UNC13C: variants seen among roughly 807,000 people sequenced by gnomAD.
The protein encoded by UNC13C is unc-13 homolog C.
In UNC13C, 174 loss-of-function variants were observed where a neutral mutation model predicts 245.4. The ratio of observed to expected loss-of-function variants is 0.71; its 90% CI spans 0.63 to 0.80. UNC13C has a LOEUF of 0.80. Ranked by LOEUF, UNC13C falls within the 30% of genes least tolerant of loss-of-function variation. The pLI, the probability that UNC13C is intolerant of heterozygous loss-of-function variation, is 0.00. For missense variants in UNC13C, 2,829 were observed against 2,602.9 expected, an observed-to-expected ratio of 1.09 and a Z score of -1.89; for synonymous variants, 992 against 895.1, an observed-to-expected ratio of 1.11 and a Z score of -1.93.
At chr15:54,622,248 G>T in intron 30 of UNC13C, 79 bp from the exon 31 acceptor site, 1 of 947,500 alleles carries the variant, frequency 1.1e-6, no homozygotes, top group Non-Finnish European at 1.7e-6. Context: ...TACATTTTAT[G>T]TTTTTTATGC....
intron 2 of UNC13C, among the ~76,000 whole-genome samples, chr15:54,125,191 C>T (rs1170056024): frequency 1.3e-5 from 2 of 152,248 alleles, no homozygotes; most frequent in East Asian, 3.9e-4. Context: ...GGGCCGGGCA[C>T]AGTGGCTCAC....
chr15:54,133,083 G>A (rs189386245), intron 2 of UNC13C, among the ~76,000 whole-genome samples: 2 of 147,142 alleles, frequency 1.4e-5, no homozygotes, highest in African/African-American at 4.9e-5. Context: ...ATTTTTCGTG[G>A]TAACTGGTGA....
intron 2 of UNC13C, among the ~76,000 whole-genome samples, chr15:54,131,391 T>C (rs2141214842): frequency 6.6e-6 from 1 of 152,304 alleles, no homozygotes; most frequent in East Asian, 1.9e-4. Context: ...AATACAGTAG[T>C]CTCCCTGATC....
At chr15:54,419,105 A>G (rs1393502688) in intron 19 of UNC13C, among the ~76,000 whole-genome samples, 1 of 152,188 alleles carries the variant, frequency 6.6e-6, no homozygotes, top group Non-Finnish European at 1.5e-5. Context: ...TAGACATCTA[A>G]GACTGTTTGT....
chr15:54,291,429 T>C (rs2037295410), intron 10 of UNC13C, among the ~76,000 whole-genome samples: 1 of 152,078 alleles, frequency 6.6e-6, no homozygotes, highest in Non-Finnish European at 1.5e-5. Context: ...TTTCTTCAAA[T>C]GTAAAAGGGA....
chr15:53,992,374 C>G (rs563990596), intron 1 of UNC13C, among the ~76,000 whole-genome samples: 1 of 152,178 alleles, frequency 6.6e-6, no homozygotes, highest in East Asian at 1.9e-4. Context: ...TATGACTTTA[C>G]TCTAGTTGTT....
chr15:54,229,387 TC>T (rs1295116010), intron 4 of UNC13C, among the ~76,000 whole-genome samples: 2 of 152,182 alleles, frequency 1.3e-5, no homozygotes, highest in Non-Finnish European at 2.9e-5. Flanking sequence ...AATTTGGTGT[TC>T]CTGTGGAGAA....
chr15:54,519,129 T>C (rs1222676487), intron 24 of UNC13C, among the ~76,000 whole-genome samples: 1 of 152,164 alleles, frequency 6.6e-6, no homozygotes, highest in African/African-American at 2.4e-5. Context: ...GAAGTTGAAC[T>C]ATGTGATTTC....
At chr15:54,617,424 A>ATATCT (rs984350048) in intron 30 of UNC13C, among the ~76,000 whole-genome samples, 2 of 151,982 alleles carry the variant, frequency 1.3e-5, no homozygotes, top group African/African-American at 4.8e-5. Flanking sequence ...AGTATATACT[A>ATATCT]TATCTTATAA....
chr15:53,979,960 G>T (rs1359982363), intron 1 of UNC13C, among the ~76,000 whole-genome samples: 1 of 152,112 alleles, frequency 6.6e-6, no homozygotes, highest in Non-Finnish European at 1.5e-5. Context: ...CTGGAGGGGA[G>T]AAACGAGAAT....
At chr15:54,506,971 A>G in intron 22 of UNC13C, 146 bp from the exon 23 acceptor site, 1 of 507,696 alleles carries the variant, frequency 2.0e-6, no homozygotes, top group African/African-American at 1.9e-5. Flanking sequence ...GGGCATTCTT[A>G]GGCTCAGAAA....
At chr15:54,514,060 A>G (rs563998494) in intron 24 of UNC13C, among the ~76,000 whole-genome samples, 1 of 152,328 alleles carries the variant, frequency 6.6e-6, no homozygotes, top group African/African-American at 2.4e-5. Flanking sequence ...GAATTATGAT[A>G]GAATTTCTGA....
At chr15:53,952,898 A>C in the UNC13C span, among the ~76,000 whole-genome samples, 1 of 152,212 alleles carries the variant, frequency 6.6e-6, no homozygotes, top group Non-Finnish European at 1.5e-5. Context: ...GCAGTCTCTT[A>C]GAGTGTCTAA....
At chr15:54,346,814 G>T (rs1234090688) in intron 17 of UNC13C, among the ~76,000 whole-genome samples, 1 of 152,152 alleles carries the variant, frequency 6.6e-6, no homozygotes, top group Non-Finnish European at 1.5e-5. Context: ...GTACACAAAA[G>T]ATCAATCTAT....
At chr15:54,038,729 G>T (rs1046583399) in intron 2 of UNC13C, among the ~76,000 whole-genome samples, 1 of 152,030 alleles carries the variant, frequency 6.6e-6, no homozygotes, top group Non-Finnish European at 1.5e-5. Flanking sequence ...AGTTCTCTTT[G>T]AATAACTAAG....
chr15:54,299,197 C>G (rs2037511937), intron 12 of UNC13C, among the ~76,000 whole-genome samples: 1 of 152,128 alleles, frequency 6.6e-6, no homozygotes. Context: ...TTTACAAAGT[C>G]TTTTCTACTG....
At chr15:53,950,744 G>T in the UNC13C span, among the ~76,000 whole-genome samples, 2 of 152,292 alleles carry the variant, frequency 1.3e-5, no homozygotes, top group East Asian at 3.9e-4. Flanking sequence ...ATAGCCAGGG[G>T]TTATGCATTT....
In UNC13C at chr15:54,294,016, G is replaced by A; in HGVS notation, c.3940G>A (p.Val1314Ile). ...ESDDFLGQTIVEVRTLSGEMD... is the reference protein window; with the variant it reads ...ESDDFLGQTIIEVRTLSGEMD... ...AGATGATTTTCTGGGACAAACAATT[G>A]TAGAAGTGAGGACCTTGAGTGGAGA... The change falls in exon 11 of 33, where the codon GTA becomes ATA. Residue 1314 changes from valine (V) to isoleucine (I), a missense_variant. Val to Ile is a conservative substitution (Grantham distance 29). Coordinates refer to ENST00000260323, the MANE Select transcript of UNC13C (RefSeq NM_001080534.3). The A allele has an allele frequency of 4.4e-6, 7 of 1,592,708 alleles. No homozygotes were observed. The highest frequency in any genetic ancestry group is 6.0e-6 in the Non-Finnish European group (7 of 1,170,942).
At chr15:54,362,271 A>T (rs1457903250) in intron 17 of UNC13C, among the ~76,000 whole-genome samples, 2 of 152,306 alleles carry the variant, frequency 1.3e-5, no homozygotes, top group East Asian at 3.9e-4. Flanking sequence ...AGACCAGTGG[A>T]GAGATTGAAT....
Sources: gnomAD v4.1 joint callset for allele counts (sites outside exome capture counted in the v4.1 genomes callset) on GRCh38, gnomAD v4.1.1 for gene constraint, MANE v1.5 for transcripts, NCBI Gene and HGNC (gene_info 2026-07-23, HGNC 2026-07-21) for gene names.